FBXW10B: variants seen among roughly 807,000 people sequenced by gnomAD.
FBXW10B encodes the protein F-box and WD repeat domain containing 10B.
chr17:15,612,500 T>C, the FBXW10B span: 92 of 312,444 alleles, frequency 2.9e-4, no homozygotes, highest in East Asian at 5.2e-4. Context: ...GGTGACATAG[T>C]GAGACTCCAT....
chr17:15,594,637 G>A, the FBXW10B span: 3 of 1,132,538 alleles, frequency 2.6e-6, no homozygotes, highest in Non-Finnish European at 3.8e-6. Flanking sequence ...GTGAGGTGCA[G>A]AGAACACGAT....
the FBXW10B span, chr17:15,572,398 C>G: frequency 2.6e-5 from 4 of 152,046 alleles, no homozygotes; most frequent in Non-Finnish European, 5.9e-5. Context: ...CTTATAAAGC[C>G]GTCAGTAAAT....
the FBXW10B span, among the ~76,000 whole-genome samples, chr17:15,606,505 C>T: frequency 8.7e-5 from 13 of 149,460 alleles, no homozygotes; most frequent in African/African-American, 3.2e-4. Context: ...CCAGCCTGGA[C>T]GACAGAATGA....
chr17:15,570,047 A>T, the FBXW10B span, among the ~76,000 whole-genome samples: 1 of 152,204 alleles, frequency 6.6e-6, no homozygotes, highest in Non-Finnish European at 1.5e-5. Flanking sequence ...GGTGAACAAA[A>T]CAGAAAAATT....
the FBXW10B span, among the ~76,000 whole-genome samples, chr17:15,585,125 G>A: frequency 6.6e-6 from 1 of 151,654 alleles, no homozygotes; most frequent in African/African-American, 2.4e-5. Context: ...CTTATTGGAA[G>A]AAGAACAACA....
the FBXW10B span, chr17:15,612,951 G>T: frequency 2.4e-6 from 3 of 1,267,118 alleles, no homozygotes; most frequent in South Asian, 4.6e-5. Flanking sequence ...GGCTGCAGCA[G>T]GCAGGCCCAC....
chr17:15,613,644 A>T, the FBXW10B span: 5 of 1,588,552 alleles, frequency 3.1e-6, no homozygotes, highest in Non-Finnish European at 4.3e-6. Flanking sequence ...TTCTGAATGA[A>T]GCCGTGCGCT....
At chr17:15,599,319 G>A in the FBXW10B span, among the ~76,000 whole-genome samples, 4 of 134,904 alleles carry the variant, frequency 3.0e-5, no homozygotes, top group Non-Finnish European at 1.5e-5. Context: ...GTCACAAGCC[G>A]GGAAGGAGGT....
At chr17:15,591,253 G>A in the FBXW10B span, among the ~76,000 whole-genome samples, 1 of 152,170 alleles carries the variant, frequency 6.6e-6, no homozygotes, top group Non-Finnish European at 1.5e-5. Flanking sequence ...TTTAAGGATA[G>A]TCTGGATTTG....
the FBXW10B span, among the ~76,000 whole-genome samples, chr17:15,567,139 G>A: frequency 6.6e-6 from 1 of 151,696 alleles, no homozygotes; most frequent in Non-Finnish European, 1.5e-5. Context: ...GGGCGTGGTG[G>A]CAGGCGCCTG....
the FBXW10B span, chr17:15,589,316 A>G: frequency 6.7e-7 from 1 of 1,488,638 alleles, no homozygotes; most frequent in South Asian, 1.3e-5. Flanking sequence ...TGTCTGGGAG[A>G]AAAAAAAGGA....
chr17:15,583,725 C>A, the FBXW10B span, among the ~76,000 whole-genome samples: 1 of 151,790 alleles, frequency 6.6e-6, no homozygotes, highest in Non-Finnish European at 1.5e-5. Flanking sequence ...TTGGGAGACT[C>A]TGGGTTAAAC....
the FBXW10B span, chr17:15,613,910 C>G: frequency 1.9e-6 from 3 of 1,602,714 alleles, no homozygotes; most frequent in Non-Finnish European, 2.5e-6. Flanking sequence ...AGACAGGTCT[C>G]TGATGTCATC....
chr17:15,616,678 A>G, the FBXW10B span, among the ~76,000 whole-genome samples: 13 of 151,818 alleles, frequency 8.6e-5, no homozygotes, highest in South Asian at 4.2e-4. Flanking sequence ...TGGTGGTGGC[A>G]GGCACCTGTA....
At chr17:15,593,485 C>T in the FBXW10B span, 1,334 of 1,614,134 alleles carry the variant, frequency 8.3e-4, 10 homozygotes, top group African/African-American at 0.015. Flanking sequence ...AGGGACACGT[C>T]GAGCACCTCT....
chr17:15,605,516 G>A, the FBXW10B span: 14 of 1,347,282 alleles, frequency 1.0e-5, no homozygotes, highest in Admixed American at 1.1e-4. Context: ...TACAGCAGTG[G>A]TGTAAAGGAA....
chr17:15,609,852 CTTTT>C, the FBXW10B span, among the ~76,000 whole-genome samples: 236 of 103,172 alleles, frequency 2.3e-3, 2 homozygotes, highest in African/African-American at 4.6e-3. Flanking sequence ...TTCTTTCTTT[CTTTT>C]TTTTTTTTTT....
the FBXW10B span, chr17:15,605,342 G>C: frequency 4.8e-5 from 76 of 1,593,914 alleles, no homozygotes; most frequent in Admixed American, 6.5e-4. Flanking sequence ...CTTGTATGAT[G>C]TCCAGAAGAT....
chr17:15,594,983 C>T, the FBXW10B span: 2 of 1,549,024 alleles, frequency 1.3e-6, no homozygotes, highest in Middle Eastern at 2.0e-4. Context: ...AAAGCCACCC[C>T]CCAACCAATC....
Sources: allele counts gnomAD v4.1 joint callset (sites outside exome capture counted in the v4.1 genomes callset), GRCh38; gene constraint gnomAD v4.1.1; transcripts MANE v1.5; gene names NCBI Gene and HGNC (gene_info 2026-07-23, HGNC 2026-07-21).